Variants in DUSP29 observed in about 807,000 individuals in gnomAD.
DUSP29 encodes atypical dual-specific protein phosphatase.
Under a neutral mutation model 13.5 loss-of-function variants are expected in DUSP29, and 12 were observed. The ratio of observed to expected loss-of-function variants is 0.89; its 90% CI spans 0.57 to 1.44. The LOEUF is 1.44. DUSP29 is among the 40% of genes most tolerant of loss of function. DUSP29 has a pLI of 0.00. For missense variants in DUSP29, 308 were observed against 301.1 expected (o/e 1.02, Z -0.17); for synonymous variants, 134 against 128.7 (o/e 1.04, Z -0.28).
At chr10:75,060,230 G>A (rs1407832634) in intron 1 of DUSP29, among the ~76,000 whole-genome samples, 3 of 152,168 alleles carry the variant, frequency 2.0e-5, no homozygotes, top group African/African-American at 7.2e-5. Flanking sequence ...AGCACTCTGG[G>A]AGGCTGAGGT....
intron 2 of DUSP29, 47 bp from the exon 3 acceptor site, chr10:75,044,064 G>A (rs776932679): frequency 1.3e-6 from 2 of 1,562,938 alleles, no homozygotes; most frequent in Admixed American, 1.8e-5. Context: ...GCCCTGCCCC[G>A]GGTCCGGGAA....
At chr10:75,067,306 A>C (rs1298944547) in intron 1 of DUSP29, among the ~76,000 whole-genome samples, 1 of 152,134 alleles carries the variant, frequency 6.6e-6, no homozygotes, top group African/African-American at 2.4e-5. Flanking sequence ...AGGGCCTTGG[A>C]AGCGGCTGGT....
chr10:75,047,734 C>T lies in DUSP29; in HGVS notation c.201-3717G>A, dbSNP rs1041097457. ...TCTGTTCAATTTTTAAATAATATGTCGTCTCATGACAAAAATAACACATGC... is the reference window on the plus strand; with the variant it reads ...TCTGTTCAATTTTTAAATAATATGTTGTCTCATGACAAAAATAACACATGC... On this transcript the variant is annotated intron_variant, in intron 2 of 3. Transcript: ENST00000338487. Among the ~76,000 whole-genome samples the T allele has an allele frequency of 5.3e-5, 8 of 152,280 alleles. No individual in the cohort carries two copies. The East Asian group carries it at 5.8e-4, about 11-fold the overall frequency.
chr10:75,073,002 A>G (rs1405150749), intron 1 of DUSP29, among the ~76,000 whole-genome samples: 1 of 145,804 alleles, frequency 6.9e-6, no homozygotes, highest in Non-Finnish European at 1.5e-5. Flanking sequence ...CCCACCCCCC[A>G]TCTCTACCAC....
intron 3 of DUSP29, among the ~76,000 whole-genome samples, chr10:75,041,820 C>T (rs1245486478): frequency 6.6e-6 from 1 of 152,214 alleles, no homozygotes; most frequent in Non-Finnish European, 1.5e-5. Flanking sequence ...GTCTAACAGT[C>T]ATGATCCACA....
At chr10:75,043,727 A>G in intron 3 of DUSP29, 70 bp downstream of exon 3, 3 of 1,384,808 alleles carry the variant, frequency 2.2e-6, no homozygotes, top group South Asian at 1.3e-5. Flanking sequence ...GGCGGGGCCT[A>G]AGCTACGGGC....
chr10:75,059,386 C>T (rs1398749784), intron 1 of DUSP29, among the ~76,000 whole-genome samples: 2 of 152,088 alleles, frequency 1.3e-5, no homozygotes, highest in African/African-American at 4.8e-5. Context: ...TATGGTCAGC[C>T]TGGGAAAGGA....
chr10:75,049,272 TTTAAC>T (rs1489603823), intron 2 of DUSP29, among the ~76,000 whole-genome samples: 6 of 152,212 alleles, frequency 3.9e-5, no homozygotes, highest in African/African-American at 1.4e-4. Flanking sequence ...CCTCGGGGTT[TTTAAC>T]TTCTACTGGA....
At chr10:75,066,256 G>A (rs1052043282) in intron 1 of DUSP29, among the ~76,000 whole-genome samples, 1 of 152,178 alleles carries the variant, frequency 6.6e-6, no homozygotes, top group African/African-American at 2.4e-5. Context: ...GAATAGCCAC[G>A]AGATTACTGA....
rs144487586 is a variant in DUSP29, at chr10:75,043,937, A to G, written c.281T>C (p.Val94Ala). ...GCGGTAGTAGTCGGGCCCAGTGTCC[A>G]CGTTCCAGCGGCCGTGGGCCGCGTT... is the stretch of plus-strand genomic sequence containing the variant. ...VLNAAHGRWN[V>A]DTGPDYYRDM... The change falls in exon 3 of 4, where the codon GTG becomes GCG. Residue 94 changes from valine (V) to alanine (A), a missense_variant. Transcript: ENST00000338487. 46 of 1,613,622 alleles carry G rather than the reference A, an allele frequency of 2.9e-5. No homozygotes were observed. The highest frequency in any genetic ancestry group is 3.6e-5 in the Non-Finnish European group (42 of 1,179,936).
chr10:75,051,364 A>G (rs768949433), intron 2 of DUSP29, among the ~76,000 whole-genome samples: 5 of 152,224 alleles, frequency 3.3e-5, no homozygotes, highest in Admixed American at 6.5e-5. Flanking sequence ...GCATTAACGC[A>G]TAGAATCCAC....
chr10:75,070,823 C>G (rs1243410105), intron 1 of DUSP29, among the ~76,000 whole-genome samples: 1 of 152,206 alleles, frequency 6.6e-6, no homozygotes, highest in Non-Finnish European at 1.5e-5. Context: ...GTCGCTGTGT[C>G]AGGCTGCTAG....
At chr10:75,063,652 C>T (rs907636413) in intron 1 of DUSP29, among the ~76,000 whole-genome samples, 1 of 151,990 alleles carries the variant, frequency 6.6e-6, no homozygotes, top group African/African-American at 2.4e-5. Context: ...ACATCCTTCA[C>T]TGGTTCTCCT....
chr10:75,049,524 T>A (rs1409236091), intron 2 of DUSP29, among the ~76,000 whole-genome samples: 1 of 152,212 alleles, frequency 6.6e-6, no homozygotes, highest in African/African-American at 2.4e-5. Flanking sequence ...TCCCCGACCG[T>A]CTTGCCTGTG....
intron 2 of DUSP29, among the ~76,000 whole-genome samples, chr10:75,052,908 G>A (rs922231876): frequency 1.3e-5 from 2 of 152,240 alleles, no homozygotes; most frequent in Admixed American, 6.5e-5. Context: ...AGGCTTTGGC[G>A]TGGACTTGCT....
chr10:75,047,565 T>C (rs941441842), intron 2 of DUSP29, among the ~76,000 whole-genome samples: 3 of 152,236 alleles, frequency 2.0e-5, no homozygotes, highest in Non-Finnish European at 4.4e-5. Flanking sequence ...AAAGGCCGTG[T>C]GCCCCACTCC....
At chr10:75,058,258 G>A (rs577202246) in intron 2 of DUSP29, 57 bp downstream of exon 2, 191 of 1,565,600 alleles carry the variant, frequency 1.2e-4, no homozygotes, top group Non-Finnish European at 1.4e-4. Context: ...GGCGCAGGGC[G>A]TGGCCTGGGG....
intron 1 of DUSP29, among the ~76,000 whole-genome samples, chr10:75,071,210 G>T (rs1002713470): frequency 4.6e-5 from 7 of 152,220 alleles, no homozygotes; most frequent in Non-Finnish European, 7.3e-5. Flanking sequence ...TCTGAAATGG[G>T]GCTGTGCTGT....
intron 1 of DUSP29, among the ~76,000 whole-genome samples, chr10:75,062,746 A>T (rs764043583): frequency 1.3e-5 from 2 of 152,176 alleles, no homozygotes; most frequent in Non-Finnish European, 2.9e-5. Context: ...GCCAACATGG[A>T]AGGGAAGACA....
Sources: allele counts gnomAD v4.1 joint callset (sites outside exome capture counted in the v4.1 genomes callset), GRCh38; gene constraint gnomAD v4.1.1; transcripts MANE v1.5; gene names NCBI Gene and HGNC (gene_info 2026-07-23, HGNC 2026-07-21).